The following CDH18 variants were observed in gnomAD, a reference collection of about 807,000 sequenced individuals.
CDH18 encodes cadherin-18.
In CDH18, 31 loss-of-function variants were observed where a neutral mutation model predicts 67.9. The observed-to-expected ratio is 0.46, with a 90% CI of 0.34 to 0.62. The LOEUF (loss-of-function observed/expected upper bound fraction) is 0.62, where lower values mean the gene tolerates loss of function less well. Ranked by LOEUF, CDH18 falls within the 20% of genes least tolerant of loss-of-function variation. The pLI is 0.01. For synonymous variants in CDH18, 362 were observed against 347.2 expected, an observed-to-expected ratio of 1.04 and a Z score of -0.48; for missense variants, 890 against 975.5, an observed-to-expected ratio of 0.91 and a Z score of 1.17.
intron 9 of CDH18, among the ~76,000 whole-genome samples, chr5:19,543,308 A>G (rs347747): frequency 0.11 from 16,392 of 152,052 alleles, 1,316 homozygotes; most frequent in African/African-American, 0.22. Flanking sequence ...TCACAATGGA[A>G]TATTCTGGGT....
chr5:19,531,825 G>A (rs2387872), intron 9 of CDH18, among the ~76,000 whole-genome samples: 7,669 of 152,142 alleles, frequency 0.05, 306 homozygotes, highest in African/African-American at 0.094. Context: ...TGACTCATAA[G>A]CTTGACTCAT....
chr5:19,728,485 A>G (rs1037370112), intron 4 of CDH18, among the ~76,000 whole-genome samples: 3 of 152,150 alleles, frequency 2.0e-5, no homozygotes, highest in Non-Finnish European at 4.4e-5. Flanking sequence ...ATAAAACTTA[A>G]ATCTTATTTT....
At chr5:19,962,624 A>T (rs1411791843) in intron 2 of CDH18, among the ~76,000 whole-genome samples, 2 of 151,810 alleles carry the variant, frequency 1.3e-5, no homozygotes, top group Non-Finnish European at 2.9e-5. Context: ...AAATACAAAA[A>T]AGTTGGCTGG....
intron 9 of CDH18, among the ~76,000 whole-genome samples, chr5:19,529,902 A>G (rs1748324594): frequency 6.6e-6 from 1 of 152,136 alleles, no homozygotes; most frequent in African/African-American, 2.4e-5. Flanking sequence ...TGTAATACCA[A>G]CCAAAAATCC....
chr5:20,339,121 A>C (rs1740032344), intron 1 of CDH18, among the ~76,000 whole-genome samples: 1 of 152,086 alleles, frequency 6.6e-6, no homozygotes, highest in South Asian at 2.1e-4. Flanking sequence ...CTTTCTGGAT[A>C]GGCTGCTTTT....
intron 2 of CDH18, among the ~76,000 whole-genome samples, chr5:20,220,651 G>T (rs1183668457): frequency 2.6e-5 from 4 of 151,928 alleles, no homozygotes; most frequent in Non-Finnish European, 5.9e-5. Flanking sequence ...GGAATCTTCT[G>T]CACAGCAAGG....
At chr5:19,675,848 C>G (rs933126345) in intron 5 of CDH18, among the ~76,000 whole-genome samples, 4 of 151,954 alleles carry the variant, frequency 2.6e-5, no homozygotes, top group African/African-American at 9.7e-5. Flanking sequence ...GAAGTAAAGA[C>G]AGGTGTGAGA....
chr5:19,841,232 T>A (rs1782281022), intron 2 of CDH18, among the ~76,000 whole-genome samples: 1 of 152,172 alleles, frequency 6.6e-6, no homozygotes, highest in Non-Finnish European at 1.5e-5. Flanking sequence ...TTCAAATATT[T>A]TCTGAAAGCA....
At chr5:20,181,571 A>G (rs1737688831) in intron 2 of CDH18, among the ~76,000 whole-genome samples, 1 of 152,152 alleles carries the variant, frequency 6.6e-6, no homozygotes, top group Admixed American at 6.6e-5. Flanking sequence ...ATAAGAAATT[A>G]GTCTTGCTTC....
chr5:20,384,340 C>T (rs1317633851), intron 1 of CDH18, among the ~76,000 whole-genome samples: 1 of 152,114 alleles, frequency 6.6e-6, no homozygotes, highest in East Asian at 1.9e-4. Context: ...TGAGATCATG[C>T]AGTGTTTATC....
At chr5:20,247,927 A>G (rs1046265817) in intron 2 of CDH18, among the ~76,000 whole-genome samples, 1 of 152,182 alleles carries the variant, frequency 6.6e-6, no homozygotes, top group Non-Finnish European at 1.5e-5. Flanking sequence ...TTTAGAAACA[A>G]GAAAATTTAT....
chr5:20,086,234 G>T (rs1192003080), intron 2 of CDH18, among the ~76,000 whole-genome samples: 3 of 152,178 alleles, frequency 2.0e-5, no homozygotes, highest in African/African-American at 7.2e-5. Flanking sequence ...TCTCTGAAAT[G>T]TTATGAAGGC....
intron 1 of CDH18, among the ~76,000 whole-genome samples, chr5:20,309,160 G>T (rs1736769567): frequency 1.3e-5 from 2 of 152,180 alleles, no homozygotes; most frequent in Non-Finnish European, 1.5e-5. Flanking sequence ...AGATCACACT[G>T]CTACTGTTCT....
chr5:19,995,150 T>A (rs1229425789), intron 2 of CDH18, among the ~76,000 whole-genome samples: 1 of 151,942 alleles, frequency 6.6e-6, no homozygotes, highest in African/African-American at 2.4e-5. Context: ...CTACCATGGT[T>A]AATGCTAAGG....
At chr5:19,974,071 A>G (rs1213819023) in intron 2 of CDH18, among the ~76,000 whole-genome samples, 1 of 152,148 alleles carries the variant, frequency 6.6e-6, no homozygotes, top group African/African-American at 2.4e-5. Context: ...AGATACACAT[A>G]GTGAACATAT....
intron 8 of CDH18, among the ~76,000 whole-genome samples, chr5:19,553,926 G>A (rs754339056): frequency 5.9e-5 from 9 of 151,912 alleles, no homozygotes; most frequent in Non-Finnish European, 1.2e-4. Context: ...GAGCCAAAAC[G>A]CCTGACCCTG....
intron 1 of CDH18, among the ~76,000 whole-genome samples, chr5:20,552,776 CAG>C (rs1398904749): frequency 6.6e-6 from 1 of 150,828 alleles, no homozygotes; most frequent in African/African-American, 2.4e-5. Context: ...TTTTTTCAAA[CAG>C]AGTCTTGCTC....
In CDH18 at chr5:19,691,998, A is replaced by T. The variant is rs541461353; in HGVS notation, c.643+29349T>A. Reference sequence around the variant, plus strand: ...CAGAATATATTACAAGGCTAACAGTAACCAAAATAACAAGGTATTGGTATA... The same window carrying T: ...CAGAATATATTACAAGGCTAACAGTTACCAAAATAACAAGGTATTGGTATA... On this transcript the variant is annotated intron_variant, in intron 5 of 12. Transcript: ENST00000382275. Among the ~76,000 whole-genome samples the T allele has an allele frequency of 2.0e-4, 31 of 152,162 alleles. No homozygotes were observed. In the East Asian group the frequency reaches 4.6e-3, roughly 23 times the overall value.
intron 1 of CDH18, among the ~76,000 whole-genome samples, chr5:20,552,837 C>A (rs943472726): frequency 6.6e-6 from 1 of 151,492 alleles, no homozygotes; most frequent in Non-Finnish European, 1.5e-5. Context: ...CTCACCGCAA[C>A]CTCTGCCTCG....
Sources: allele counts gnomAD v4.1 joint callset (sites outside exome capture counted in the v4.1 genomes callset), GRCh38; gene constraint gnomAD v4.1.1; transcripts MANE v1.5; gene names NCBI Gene and HGNC (gene_info 2026-07-23, HGNC 2026-07-21).